Variants in IL1RAP observed in about 807,000 individuals in gnomAD.
IL1RAP encodes interleukin-1 receptor accessory protein.
Under a neutral mutation model 60.7 loss-of-function variants are expected in IL1RAP, and 35 were observed. The ratio of observed to expected loss-of-function variants is 0.58; its 90% CI spans 0.44 to 0.76. The LOEUF (loss-of-function observed/expected upper bound fraction) is 0.76. Among genes scored for constraint, IL1RAP ranks in the 30% least tolerant of loss-of-function variants. The pLI, the probability that IL1RAP is intolerant of heterozygous loss-of-function variation, is 0.00. For synonymous variants in IL1RAP, 268 were observed against 250.9 expected, an observed-to-expected ratio of 1.07 and a Z score of -0.64; for missense variants, 572 against 693.9, an observed-to-expected ratio of 0.82 and a Z score of 1.97.
At chr3:190,607,313 A>G (rs1038801830) in intron 4 of IL1RAP, among the ~76,000 whole-genome samples, 5 of 152,164 alleles carry the variant, frequency 3.3e-5, no homozygotes, top group African/African-American at 1.2e-4. Context: ...TTATTATTGT[A>G]TGTTCTTTTT....
intron 6 of IL1RAP, among the ~76,000 whole-genome samples, chr3:190,621,631 A>T (rs911560312): frequency 1.3e-5 from 2 of 152,228 alleles, no homozygotes; most frequent in African/African-American, 4.8e-5. Flanking sequence ...TTCAAGCAAC[A>T]CAAGTTTGTT....
At chr3:190,617,543 AGT>A (rs1226291830) in intron 5 of IL1RAP, among the ~76,000 whole-genome samples, 1 of 152,210 alleles carries the variant, frequency 6.6e-6, no homozygotes, top group East Asian at 1.9e-4. Flanking sequence ...TAGTCAGACA[AGT>A]GTTTGCTTTA....
At chr3:190,574,395 A>G (rs1237256478) in intron 3 of IL1RAP, among the ~76,000 whole-genome samples, 2 of 152,240 alleles carry the variant, frequency 1.3e-5, no homozygotes, top group Admixed American at 1.3e-4. Flanking sequence ...GTGGCTTGGT[A>G]CAGGTGCAGT....
chr3:190,566,154 T>TG (rs1354479268), intron 3 of IL1RAP, among the ~76,000 whole-genome samples: 17 of 152,184 alleles, frequency 1.1e-4, no homozygotes, highest in African/African-American at 4.1e-4. Flanking sequence ...CAGGAACTTT[T>TG]GTTTGTTATC....
chr3:190,648,748 G>A lies in IL1RAP; in HGVS notation c.*43G>A. The stretch of plus-strand genomic sequence containing the variant: ...GTAAAAAGAACAAGGGGTGCTCCAG[G>A]AAGAAAGAGTCCCCCCAGTCTTCAT... On this transcript the variant is annotated 3_prime_UTR_variant, in exon 12 of 12. Transcript: ENST00000447382. 1.3e-6 allele frequency: 2 copies of A among 1,554,570 alleles called. No individual in the cohort carries two copies. Among genetic ancestry groups the A allele is most frequent in the South Asian group, 2.5e-5 (2 of 79,490 alleles).
chr3:190,607,205 G>A (rs1577712948), intron 4 of IL1RAP, among the ~76,000 whole-genome samples: 1 of 151,950 alleles, frequency 6.6e-6, no homozygotes, highest in Non-Finnish European at 1.5e-5. Flanking sequence ...AAGCCAAATA[G>A]GTGTTATGTG....
At chr3:190,646,813 G>T (rs1030423924) in intron 11 of IL1RAP, among the ~76,000 whole-genome samples, 3 of 151,958 alleles carry the variant, frequency 2.0e-5, no homozygotes, top group Admixed American at 6.6e-5. Context: ...GATTTAGTTG[G>T]ATCAGTTATT....
At chr3:190,544,823 G>A (rs1188310766) in intron 1 of IL1RAP, among the ~76,000 whole-genome samples, 2 of 152,184 alleles carry the variant, frequency 1.3e-5, no homozygotes. Flanking sequence ...TGTGGGAAAA[G>A]ATAACTTTTG....
chr3:190,603,986 A>C, intron 3 of IL1RAP, 142 bp from the exon 4 acceptor site: 1 of 752,460 alleles, frequency 1.3e-6, no homozygotes, highest in Non-Finnish European at 2.1e-6. Context: ...TACTGTATGC[A>C]ATTATTAGAG....
At chr3:190,613,166 C>A (rs1730967593) in intron 5 of IL1RAP, among the ~76,000 whole-genome samples, 1 of 141,526 alleles carries the variant, frequency 7.1e-6, no homozygotes, top group Admixed American at 7.2e-5. Flanking sequence ...CAGCATATTT[C>A]TTGAGGGCAA....
At chr3:190,607,806 A>G (rs954242347) in intron 4 of IL1RAP, among the ~76,000 whole-genome samples, 6 of 152,156 alleles carry the variant, frequency 3.9e-5, no homozygotes, top group Admixed American at 3.9e-4. Flanking sequence ...AGGTTTCTTG[A>G]TAATATTCCA....
At chr3:190,525,961 G>A (rs982316959) in intron 1 of IL1RAP, among the ~76,000 whole-genome samples, 7 of 152,122 alleles carry the variant, frequency 4.6e-5, no homozygotes, top group African/African-American at 1.7e-4. Context: ...GAAATCTGTC[G>A]TAGTGAAGAG....
At chr3:190,615,081 G>A (rs1351150766) in intron 5 of IL1RAP, among the ~76,000 whole-genome samples, 3 of 150,922 alleles carry the variant, frequency 2.0e-5, no homozygotes, top group Admixed American at 6.6e-5. Context: ...TCTGCATGGC[G>A]GAAAAAAATT....
At chr3:190,602,771 G>A (rs914499232) in intron 3 of IL1RAP, among the ~76,000 whole-genome samples, 1 of 152,118 alleles carries the variant, frequency 6.6e-6, no homozygotes, top group East Asian at 1.9e-4. Context: ...GGCATGAGAA[G>A]TTTTAGATGT....
At chr3:190,603,246 C>T (rs1045359474) in intron 3 of IL1RAP, among the ~76,000 whole-genome samples, 2 of 151,896 alleles carry the variant, frequency 1.3e-5, no homozygotes, top group Non-Finnish European at 2.9e-5. Flanking sequence ...TTCAAGTGAT[C>T]GTTAAAAATA....
downstream of IL1RAP, among the ~76,000 whole-genome samples, chr3:190,654,190 T>TCACACACACACACACA (rs57074064): frequency 5.1e-3 from 712 of 140,498 alleles, 6 homozygotes; most frequent in African/African-American, 0.012. Context: ...AAACATCATA[T>TCACACACACACACACA]CACACACACA....
chr3:190,591,992 A>T (rs1728982092), intron 3 of IL1RAP, among the ~76,000 whole-genome samples: 1 of 152,140 alleles, frequency 6.6e-6, no homozygotes, highest in South Asian at 2.1e-4. Flanking sequence ...CATGGTACAG[A>T]AGAAGCATAC....
chr3:190,542,879 ATTTT>A (rs66937098), intron 1 of IL1RAP, among the ~76,000 whole-genome samples: 4 of 104,770 alleles, frequency 3.8e-5, no homozygotes, highest in Admixed American at 1.0e-4. Flanking sequence ...GATTAAGGGA[ATTTT>A]TTTTTTTTTT....
At position 190,650,266 on chromosome 3, in the gene IL1RAP, C is replaced by T. The variant is rs1734316609; in HGVS notation, c.*1561C>T. The T allele has an allele frequency of 8.1e-6, 8 of 985,100 alleles. No individual in the cohort carries two copies. The Admixed American group carries it at 3.7e-4, about 45-fold the overall frequency. The allele number at this position is 985,100 out of a possible 1,614,324, so 61.0% of individuals were successfully genotyped here. On this transcript the variant is annotated 3_prime_UTR_variant, in exon 12 of 12. Transcript: ENST00000447382. ...GATAGTTGTCATAGTTCTTGCCTTC[C>T]CTAAGTTTATATAAATAACTTAAGT...
Sources: gnomAD v4.1 joint callset for allele counts (sites outside exome capture counted in the v4.1 genomes callset) on GRCh38, gnomAD v4.1.1 for gene constraint, MANE v1.5 for transcripts, NCBI Gene and HGNC (gene_info 2026-07-23, HGNC 2026-07-21) for gene names.